The following RIT1 variants were observed in gnomAD, a reference collection of about 807,000 sequenced individuals.
RIT1 encodes the protein Ras like without CAAX 1.
Under a neutral mutation model 25.6 loss-of-function variants are expected in RIT1, and 6 were observed. The observed-to-expected ratio is 0.23, with a 90% CI of 0.13 to 0.46. RIT1 has a LOEUF of 0.46. RIT1 is among the 20% of genes least tolerant of loss of function. The probability of loss-of-function intolerance (pLI) is 0.99; values close to 1 mark genes in which losing one functional copy is unlikely to be tolerated. For synonymous variants in RIT1, 81 were observed against 94.1 expected, an observed-to-expected ratio of 0.86 and a Z score of 0.80; for missense variants, 219 against 284.4, an observed-to-expected ratio of 0.77 and a Z score of 1.65.
chr1:155,907,451 C>T (rs543733345), intron 3 of RIT1, among the ~76,000 whole-genome samples: 1 of 152,198 alleles, frequency 6.6e-6, no homozygotes, highest in African/African-American at 2.4e-5. Flanking sequence ...CCATGTTGGC[C>T]AGGCTGGTCT....
intron 3 of RIT1, among the ~76,000 whole-genome samples, chr1:155,907,567 T>G (rs755999849): frequency 1.4e-4 from 21 of 152,228 alleles, no homozygotes; most frequent in Non-Finnish European, 2.6e-4. Flanking sequence ...TGTATGCTTT[T>G]ATATCTCTAC....
At chr1:155,907,394 T>G (rs989298308) in intron 3 of RIT1, among the ~76,000 whole-genome samples, 2 of 151,974 alleles carry the variant, frequency 1.3e-5, no homozygotes, top group Non-Finnish European at 2.9e-5. Context: ...CATGCAGCAG[T>G]AACACGCCCA....
intron 3 of RIT1, among the ~76,000 whole-genome samples, chr1:155,909,579 T>C (rs952819600): frequency 2.0e-5 from 3 of 152,022 alleles, no homozygotes; most frequent in Non-Finnish European, 4.4e-5. Context: ...GCAAACAAAA[T>C]GACTTTTTTA....
chr1:155,901,097 C>G (rs1236196909), intron 5 of RIT1, among the ~76,000 whole-genome samples: 1 of 152,146 alleles, frequency 6.6e-6, no homozygotes, highest in African/African-American at 2.4e-5. Context: ...TTACAGGCGT[C>G]GGCCACTGTG....
chr1:155,908,460 AAAAG>A (rs1237460432), intron 3 of RIT1, among the ~76,000 whole-genome samples: 5 of 152,148 alleles, frequency 3.3e-5, no homozygotes, highest in African/African-American at 9.7e-5. Context: ...GTCTCAAAAA[AAAAG>A]AAAGGAAAAG....
intron 3 of RIT1, among the ~76,000 whole-genome samples, chr1:155,905,012 C>G (rs1673407232): frequency 6.6e-6 from 1 of 152,098 alleles, no homozygotes; most frequent in African/African-American, 2.4e-5. Flanking sequence ...AGTTTATTCA[C>G]AGCTGAAGAT....
chr1:155,908,360 C>G (rs984136682), intron 3 of RIT1, among the ~76,000 whole-genome samples: 1 of 150,340 alleles, frequency 6.7e-6, no homozygotes, highest in African/African-American at 2.4e-5. Context: ...GAGGCTGAGG[C>G]AGGAGAATGG....
intron 5 of RIT1, among the ~76,000 whole-genome samples, chr1:155,903,383 G>A (rs369811939): frequency 6.7e-6 from 1 of 149,270 alleles, no homozygotes. Context: ...AACCCAGGAG[G>A]AGGAGGTTGC....
At chr1:155,910,832 C>G (rs1424274225) in intron 1 of RIT1, 28 bp from the exon 2 acceptor site, 2 of 1,612,966 alleles carry the variant, frequency 1.2e-6, no homozygotes, top group Admixed American at 1.7e-5. Context: ...AATGCTTAAT[C>G]CAGGATGGAG....
At chr1:155,903,392 G>T (rs1249002362) in intron 5 of RIT1, among the ~76,000 whole-genome samples, 1 of 142,998 alleles carries the variant, frequency 7.0e-6, no homozygotes, top group Admixed American at 7.4e-5. Context: ...GGAGGAGGTT[G>T]CAGTGAGCCG....
chr1:155,909,894 C>T (rs1673549522), intron 3 of RIT1, among the ~76,000 whole-genome samples: 1 of 132,380 alleles, frequency 7.6e-6, no homozygotes, highest in Non-Finnish European at 1.5e-5. Flanking sequence ...TGCCCTCCAG[C>T]CTGGGAGACA....
intron 4 of RIT1, 63 bp downstream of exon 4, chr1:155,904,668 G>GCCTTCC (rs2102585109): frequency 7.7e-7 from 1 of 1,306,316 alleles, no homozygotes; most frequent in Admixed American, 1.7e-5. Flanking sequence ...CTCTGTGTAG[G>GCCTTCC]CCTTCCCCTC....
intron 5 of RIT1, among the ~76,000 whole-genome samples, chr1:155,900,892 C>T (rs1673299666): frequency 6.6e-6 from 1 of 152,104 alleles, no homozygotes; most frequent in Non-Finnish European, 1.5e-5. Context: ...GATTGTGGCT[C>T]ACAACCTCGG....
At chr1:155,900,909 G>A (rs1673300107) in intron 5 of RIT1, among the ~76,000 whole-genome samples, 1 of 151,858 alleles carries the variant, frequency 6.6e-6, no homozygotes, top group Non-Finnish European at 1.5e-5. Context: ...TCGGCCTCCC[G>A]GGTTCAAGTG....
chr1:155,906,892 G>A (rs986761498), intron 3 of RIT1, among the ~76,000 whole-genome samples: 1 of 151,964 alleles, frequency 6.6e-6, no homozygotes, highest in Non-Finnish European at 1.5e-5. Flanking sequence ...GATCACTTGC[G>A]CTCAGGAGTT....
chr1:155,911,322 T>C lies in RIT1; in HGVS notation c.-123A>G, dbSNP rs879652767. 1.2e-4 allele frequency: 22 copies of C among 187,974 alleles called. 1 individual carries two copies. The highest frequency in any genetic ancestry group is 1.2e-3 in the Admixed American group (21 of 17,960). 11.6% of individuals were successfully genotyped at this position (187,974 alleles called of 1,614,324 possible). A position where few individuals can be genotyped will look rare whatever the true frequency, so the allele number is the denominator to read the frequency against. ...AGCCGGTCGGGTCACGCACTTCGTCTTCCTTCACTCGCGGAGGCTCCGGCA... is the reference window on the plus strand; with the variant it reads ...AGCCGGTCGGGTCACGCACTTCGTCCTCCTTCACTCGCGGAGGCTCCGGCA... On this transcript the variant is annotated 5_prime_UTR_variant, in exon 1 of 6. Transcript: ENST00000368323.
intron 3 of RIT1, among the ~76,000 whole-genome samples, chr1:155,906,249 G>A (rs1282559106): frequency 2.0e-5 from 3 of 151,882 alleles, no homozygotes; most frequent in Non-Finnish European, 4.4e-5. Flanking sequence ...GAAAAAAAAA[G>A]CCACGCAATA....
In RIT1 at chr1:155,911,307, G is replaced by A. The variant is rs1469017146; in HGVS notation, c.-108C>T. 5.0e-6 allele frequency: 1 copy of A among 199,306 alleles called. No homozygotes were observed. The highest frequency in any genetic ancestry group is 1.0e-5 in the Non-Finnish European group (1 of 96,086). The allele number at this position is 199,306 out of a possible 1,614,324, so 12.3% of individuals were successfully genotyped here. ...GGACTGGAACACCACAGCCGGTCGG[G>A]TCACGCACTTCGTCTTCCTTCACTC... On this transcript the variant is annotated 5_prime_UTR_variant, in exon 1 of 6. Coordinates refer to ENST00000368323, the MANE Select transcript of RIT1 (RefSeq NM_006912.6).
rs1673274246 is a variant in RIT1 at position 155,899,828 on chromosome 1, A to C, written c.*560T>G. 1 of 216,198 alleles carries C rather than the reference A, an allele frequency of 4.6e-6. No individual in the cohort carries two copies. Among genetic ancestry groups the C allele is most frequent in the African/African-American group, 2.3e-5 (1 of 44,246 alleles). The allele number at this position is 216,198 out of a possible 1,614,324, so 13.4% of individuals were successfully genotyped here. Reference sequence around the variant, plus strand: ...TGAACCTACCTTTTTAAGTCCCTGCAAACATATAGCCCAACTTTCCCAAAT... The same window carrying C: ...TGAACCTACCTTTTTAAGTCCCTGCCAACATATAGCCCAACTTTCCCAAAT... On this transcript the variant is annotated 3_prime_UTR_variant, in exon 6 of 6. Coordinates refer to ENST00000368323, the MANE Select transcript of RIT1 (RefSeq NM_006912.6).
Sources: allele counts gnomAD v4.1 joint callset (sites outside exome capture counted in the v4.1 genomes callset), GRCh38; gene constraint gnomAD v4.1.1; transcripts MANE v1.5; gene names NCBI Gene and HGNC (gene_info 2026-07-23, HGNC 2026-07-21).